Variants in UBASH3B observed in about 807,000 individuals in gnomAD.
The protein encoded by UBASH3B is ubiquitin-associated and SH3 domain-containing protein B.
A neutral mutation model predicts 83.4 loss-of-function variants in UBASH3B; 37 were observed. That is an observed-to-expected ratio of 0.44 (90% CI 0.34 to 0.58). UBASH3B has a LOEUF of 0.58. UBASH3B is among the 20% of genes least tolerant of loss of function. The probability of loss-of-function intolerance (pLI) is 0.01; values close to 1 mark genes in which losing one functional copy is unlikely to be tolerated. For missense variants in UBASH3B, 657 were observed against 827.2 expected (o/e 0.79, Z 2.52); for synonymous variants, 304 against 318.3 (o/e 0.96, Z 0.48).
rs1345176400 is a variant in UBASH3B, at chr11:122,814,343, G to C, written c.*4457G>C. 1 of 152,562 alleles carries C rather than the reference G, an allele frequency of 6.6e-6. No homozygotes were observed. The highest frequency in any genetic ancestry group is 6.5e-5 in the Admixed American group (1 of 15,274). The allele number at this position is 152,562 out of a possible 1,614,324, so 9.5% of individuals were successfully genotyped here. ...TCTTTGTAAACTCTCCGTGGCACTT[G>C]TGCTTTCCTGGCTGAGAGCTCTCCC... On this transcript the variant is annotated 3_prime_UTR_variant, in exon 14 of 14. Coordinates refer to ENST00000284273, the MANE Select transcript of UBASH3B (RefSeq NM_032873.5).
intron 1 of UBASH3B, chr11:122,774,245 T>C: frequency 7.1e-6 from 7 of 985,506 alleles, no homozygotes; most frequent in Non-Finnish European, 8.4e-6. Context: ...GTCTTGCTTC[T>C]CCGTAACTTC....
intron 1 of UBASH3B, among the ~76,000 whole-genome samples, chr11:122,660,380 T>A (rs1187860609): frequency 6.6e-6 from 1 of 152,156 alleles, no homozygotes; most frequent in Admixed American, 6.5e-5. Context: ...CTTTTTTCTA[T>A]GCCCACTAGC....
chr11:122,690,963 C>T (rs900416890), intron 1 of UBASH3B, among the ~76,000 whole-genome samples: 1 of 152,150 alleles, frequency 6.6e-6, no homozygotes, highest in African/African-American at 2.4e-5. Flanking sequence ...GCCCAGAGTG[C>T]TTAAATGGTT....
chr11:122,678,861 G>A (rs781591485), intron 1 of UBASH3B, among the ~76,000 whole-genome samples: 3 of 152,160 alleles, frequency 2.0e-5, no homozygotes, highest in African/African-American at 7.2e-5. Flanking sequence ...CCAGCGTTTC[G>A]CCTGATTTGC....
At chr11:122,668,287 C>T (rs140317041) in intron 1 of UBASH3B, among the ~76,000 whole-genome samples, 15 of 152,298 alleles carry the variant, frequency 9.8e-5, no homozygotes, top group East Asian at 3.9e-4. Flanking sequence ...CATGCGTGGC[C>T]GAGTCAGCTT....
chr11:122,749,177 C>T (rs1861164791), intron 1 of UBASH3B, among the ~76,000 whole-genome samples: 1 of 152,228 alleles, frequency 6.6e-6, no homozygotes, highest in Non-Finnish European at 1.5e-5. Context: ...ATCAGAAGCC[C>T]TCCCCTGAGA....
At chr11:122,726,912 C>G (rs557327001) in intron 1 of UBASH3B, among the ~76,000 whole-genome samples, 1 of 152,186 alleles carries the variant, frequency 6.6e-6, no homozygotes, top group South Asian at 2.1e-4. Context: ...ATTGATCAAC[C>G]GTTTTGAGCT....
At chr11:122,776,896 G>T in intron 2 of UBASH3B, 128 bp from the exon 3 acceptor site, 1 of 806,856 alleles carries the variant, frequency 1.2e-6, no homozygotes. Flanking sequence ...TTTAAATCAT[G>T]AATGAAAACC....
At chr11:122,695,594 T>A (rs1863956074) in intron 1 of UBASH3B, among the ~76,000 whole-genome samples, 1 of 152,230 alleles carries the variant, frequency 6.6e-6, no homozygotes, top group East Asian at 1.9e-4. Context: ...TCTTTCCTTT[T>A]TTTTCTTTTC....
At chr11:122,689,262 A>AT (rs1424210871) in intron 1 of UBASH3B, among the ~76,000 whole-genome samples, 2 of 152,168 alleles carry the variant, frequency 1.3e-5, no homozygotes, top group African/African-American at 4.8e-5. Flanking sequence ...ATTACTTCGC[A>AT]ATTTGCTGTC....
chr11:122,689,091 C>T (rs558583872), intron 1 of UBASH3B, among the ~76,000 whole-genome samples: 38 of 152,154 alleles, frequency 2.5e-4, no homozygotes, highest in African/African-American at 6.5e-4. Flanking sequence ...TGAGCCACCG[C>T]GCCTGGCCAG....
Position 122,739,443 on chromosome 11 carries a change from T to C in UBASH3B, c.162-36776T>C, listed in dbSNP as rs148338789. On this transcript the variant is annotated intron_variant, in intron 1 of 13. Transcript: ENST00000284273. ...AATAAAATGGGAATAATAAGATTTC[T>C]CTCTGAGGTTCTTTTGGGCATTGCA... Among the ~76,000 whole-genome samples, 780 of 152,286 alleles carry C rather than the reference T, an allele frequency of 5.1e-3. 7 individuals are homozygous for C. Among genetic ancestry groups the C allele is most frequent in the African/African-American group, 0.018 (747 of 41,548 alleles).
chr11:122,680,822 T>C (rs1214861476), intron 1 of UBASH3B, among the ~76,000 whole-genome samples: 1 of 152,224 alleles, frequency 6.6e-6, no homozygotes, highest in Non-Finnish European at 1.5e-5. Flanking sequence ...TCCTGTCTTT[T>C]CTCCTCTACA....
At chr11:122,734,830 A>C (rs1860906804) in intron 1 of UBASH3B, among the ~76,000 whole-genome samples, 1 of 151,384 alleles carries the variant, frequency 6.6e-6, no homozygotes, top group African/African-American at 2.4e-5. Flanking sequence ...AAAAGAAAAA[A>C]CCCTTAGAGA....
chr11:122,732,617 G>T (rs575304531), intron 1 of UBASH3B, among the ~76,000 whole-genome samples: 1 of 152,222 alleles, frequency 6.6e-6, no homozygotes, highest in South Asian at 2.1e-4. Flanking sequence ...AAGTCCTATT[G>T]TAGCCCCACG....
intron 1 of UBASH3B, among the ~76,000 whole-genome samples, chr11:122,723,074 G>T (rs1041398994): frequency 2.0e-5 from 3 of 152,120 alleles, no homozygotes; most frequent in Non-Finnish European, 4.4e-5. Context: ...TAGAGTTGTG[G>T]TTATGCTTCA....
intron 1 of UBASH3B, among the ~76,000 whole-genome samples, chr11:122,677,956 A>G (rs1342703020): frequency 2.6e-5 from 4 of 152,136 alleles, no homozygotes; most frequent in African/African-American, 9.7e-5. Context: ...ATGCCCAGCT[A>G]GTTTTTGTAT....
chr11:122,796,283 T>C lies in UBASH3B; in HGVS notation c.1234+7T>C. 1 of 1,613,922 alleles carries C rather than the reference T, an allele frequency of 6.2e-7. No homozygotes were observed. ...CAGTGCTTCGATGCCAAAGGTGAGT[T>C]GGTGGTGGGCCTGCTCAGCACTGCC... On this transcript the variant is annotated splice_region_variant and intron_variant, in intron 8 of 13. Transcript: ENST00000284273.
At chr11:122,742,245 AAG>A (rs1418682233) in intron 1 of UBASH3B, among the ~76,000 whole-genome samples, 3 of 152,134 alleles carry the variant, frequency 2.0e-5, no homozygotes, top group African/African-American at 7.2e-5. Flanking sequence ...CTTGGAGAAA[AAG>A]AGATTTGGAC....
Sources: allele counts gnomAD v4.1 joint callset (sites outside exome capture counted in the v4.1 genomes callset), GRCh38; gene constraint gnomAD v4.1.1; transcripts MANE v1.5; gene names NCBI Gene and HGNC (gene_info 2026-07-23, HGNC 2026-07-21).